Variants in ZDHHC23 observed in about 807,000 individuals in gnomAD.
ZDHHC23 encodes palmitoyltransferase ZDHHC23.
A neutral mutation model predicts 40.2 loss-of-function variants in ZDHHC23; 41 were observed. The observed-to-expected ratio is 1.02, with a 90% confidence interval of 0.79 to 1.32. The LOEUF (loss-of-function observed/expected upper bound fraction) is 1.32, where lower values mean the gene tolerates loss of function less well. ZDHHC23 is among the 40% of genes most tolerant of loss of function. The pLI is 0.00. For missense variants in ZDHHC23, 471 were observed against 541.5 expected (o/e 0.87, Z 1.29); for synonymous variants, 204 against 210.2 (o/e 0.97, Z 0.26).
the ZDHHC23 span, among the ~76,000 whole-genome samples, chr3:113,971,275 G>GT: frequency 6.6e-6 from 1 of 152,126 alleles, no homozygotes; most frequent in African/African-American, 2.4e-5. Context: ...GTGTGAGATG[G>GT]TATCTCATTG....
chr3:113,975,325 G>A, the ZDHHC23 span, among the ~76,000 whole-genome samples: 1 of 152,178 alleles, frequency 6.6e-6, no homozygotes, highest in Non-Finnish European at 1.5e-5. Flanking sequence ...AAGACCAATA[G>A]ATGTCTCTCC....
intron 2 of ZDHHC23, among the ~76,000 whole-genome samples, chr3:113,951,422 C>T (rs1333953920): frequency 6.6e-6 from 1 of 152,208 alleles, no homozygotes; most frequent in Admixed American, 6.5e-5. Context: ...TGGATGCCAC[C>T]AAGATTTACC....
At chr3:113,955,010 G>A (rs138130460) in intron 3 of ZDHHC23, among the ~76,000 whole-genome samples, 90 of 152,320 alleles carry the variant, frequency 5.9e-4, no homozygotes, top group African/African-American at 2.1e-3. Flanking sequence ...AATATGAAGT[G>A]CAATGTTTAA....
chr3:113,958,759 A>C lies in ZDHHC23; in HGVS notation c.*129A>C, dbSNP rs748936345. ...TATAGGGCCATGCTCAGGTTTAGAG[A>C]CTGGAGTGGGAAGAAGTTAATTTTT... On this transcript the variant is annotated 3_prime_UTR_variant, in exon 5 of 5. Transcript: ENST00000638807. 9 of 1,568,788 alleles carry C rather than the reference A, an allele frequency of 5.7e-6. No homozygotes were observed. Among genetic ancestry groups the C allele is most frequent in the Admixed American group, 5.1e-5 (3 of 58,800 alleles).
At chr3:113,948,459 G>C (rs1395525577) in intron 1 of ZDHHC23, 5 of 257,206 alleles carry the variant, frequency 1.9e-5, no homozygotes, top group Non-Finnish European at 2.3e-5. Flanking sequence ...GCCTGCACCC[G>C]CAGGTGAGCG....
Position 113,959,946 on chromosome 3 carries a change from G to A in ZDHHC23, c.*1316G>A, listed in dbSNP as rs942540318. The A allele has an allele frequency of 3.0e-5, 30 of 994,580 alleles. No homozygotes were observed. Among genetic ancestry groups the A allele is most frequent in the Non-Finnish European group, 3.6e-5 (30 of 833,088 alleles). The allele number at this position is 994,580 out of a possible 1,614,324, so 61.6% of individuals were successfully genotyped here. ...AAAGATTAAATATTTATGTACAATG[G>A]GTTGTTCTACTATAGAATTAAGATG... On this transcript the variant is annotated 3_prime_UTR_variant, in exon 5 of 5. Transcript: ENST00000638807.
chr3:113,953,549 T>C, intron 2 of ZDHHC23, 151 bp from the exon 3 acceptor site: 1 of 664,920 alleles, frequency 1.5e-6, no homozygotes, highest in Non-Finnish European at 2.5e-6. Flanking sequence ...GACATGTGAA[T>C]CTGAAAAGCT....
chr3:113,976,347 C>CAAGA, the ZDHHC23 span, among the ~76,000 whole-genome samples: 1 of 151,562 alleles, frequency 6.6e-6, no homozygotes, highest in African/African-American at 2.4e-5. Context: ...ACTGATGTAG[C>CAAGA]AAGAAGAGAA....
rs1478078299 is a variant in ZDHHC23, at chr3:113,960,836, G to A, written c.*2206G>A. ...TTAAGTTCCTTGAGAACCCATGATG[G>A]ACAGTTGACAGAATGCTTAAACCTG... On this transcript the variant is annotated 3_prime_UTR_variant, in exon 5 of 5. Coordinates refer to ENST00000638807, the MANE Select transcript of ZDHHC23 (RefSeq NM_001320466.2). The A allele has an allele frequency of 6.8e-7, 1 of 1,473,854 alleles. No individual in the cohort carries two copies. Among genetic ancestry groups the A allele is most frequent in the Non-Finnish European group, 9.0e-7 (1 of 1,112,650 alleles). The allele number at this position is 1,473,854 out of a possible 1,614,324, so 91.3% of individuals were successfully genotyped here. A position where few individuals can be genotyped will look rare whatever the true frequency, so the allele number is the denominator to read the frequency against.
rs1939562293 is a variant in ZDHHC23 at position 113,959,806 on chromosome 3, A to G, written c.*1176A>G. ...CCCTAAATAACAGTATCTCACTAAG[A>G]GAGAAGAAACAGGGTATATGTGGTT... On this transcript the variant is annotated 3_prime_UTR_variant, in exon 5 of 5. Coordinates refer to ENST00000638807, the MANE Select transcript of ZDHHC23 (RefSeq NM_001320466.2). 1 of 1,053,102 alleles carries G rather than the reference A, an allele frequency of 9.5e-7. No individual in the cohort carries two copies. The highest frequency in any genetic ancestry group is 1.6e-5 in the African/African-American group (1 of 61,476). The allele number at this position is 1,053,102 out of a possible 1,614,324, so 65.2% of individuals were successfully genotyped here.
the ZDHHC23 span, among the ~76,000 whole-genome samples, chr3:113,975,404 T>C: frequency 6.6e-6 from 1 of 152,238 alleles, no homozygotes; most frequent in Non-Finnish European, 1.5e-5. Context: ...GAACTCTGAA[T>C]ATCAATTTTT....
At position 113,960,486 on chromosome 3, in the gene ZDHHC23, G is replaced by A. The variant is rs1312950331; in HGVS notation, c.*1856G>A. 1 of 1,396,098 alleles carries A rather than the reference G, an allele frequency of 7.2e-7. No individual in the cohort carries two copies. The highest frequency in any genetic ancestry group is 1.5e-5 in the African/African-American group (1 of 66,330). The allele number at this position is 1,396,098 out of a possible 1,614,324, so 86.5% of individuals were successfully genotyped here. A position where few individuals can be genotyped will look rare whatever the true frequency, so the allele number is the denominator to read the frequency against. On this transcript the variant is annotated 3_prime_UTR_variant, in exon 5 of 5. Coordinates refer to ENST00000638807, the MANE Select transcript of ZDHHC23 (RefSeq NM_001320466.2). ...ATAATGTCAAGGATAGCCTGTGTGG[G>A]CAGAAATTGGTAGTCGTGCTTTTGA...
rs898685852 is a variant in ZDHHC23 at position 113,960,808 on chromosome 3, G to A, written c.*2178G>A. ...CAGGTTTATTGGCACGAAGATACTT[G>A]TTTTAAGTTCCTTGAGAACCCATGA... On this transcript the variant is annotated 3_prime_UTR_variant, in exon 5 of 5. Transcript: ENST00000638807. 137 of 1,494,770 alleles carry A rather than the reference G, an allele frequency of 9.2e-5. No individual in the cohort carries two copies. The highest frequency in any genetic ancestry group is 3.6e-4 in the Middle Eastern group (2 of 5,582). The allele number at this position is 1,494,770 out of a possible 1,614,324, so 92.6% of individuals were successfully genotyped here. A position where few individuals can be genotyped will look rare whatever the true frequency, so the allele number is the denominator to read the frequency against.
intron 3 of ZDHHC23, among the ~76,000 whole-genome samples, chr3:113,954,988 A>G (rs1206345178): frequency 6.6e-6 from 1 of 152,250 alleles, no homozygotes; most frequent in Non-Finnish European, 1.5e-5. Context: ...GAAGGTACAT[A>G]AGGCTCCGTA....
intron 2 of ZDHHC23, among the ~76,000 whole-genome samples, chr3:113,950,574 G>T (rs1406152416): frequency 6.6e-6 from 1 of 152,160 alleles, no homozygotes; most frequent in Admixed American, 6.5e-5. Flanking sequence ...TGGGAATGAG[G>T]TTTCAACATA....
chr3:113,947,998 C>A (rs1417861412), upstream of ZDHHC23: 1 of 149,410 alleles, frequency 6.7e-6, no homozygotes, highest in Non-Finnish European at 1.5e-5. Context: ...GCCCGGGCCG[C>A]GGCGGGCTGT....
In ZDHHC23 at chr3:113,962,566, G is replaced by C. The variant is rs1251102602; in HGVS notation, c.*3936G>C. The C allele has an allele frequency of 2.0e-5, 3 of 152,204 alleles. No homozygotes were observed. Among genetic ancestry groups the C allele is most frequent in the Non-Finnish European group, 4.4e-5 (3 of 68,032 alleles). The allele number at this position is 152,204 out of a possible 1,614,324, so 9.4% of individuals were successfully genotyped here. A position where few individuals can be genotyped will look rare whatever the true frequency, so the allele number is the denominator to read the frequency against. On this transcript the variant is annotated 3_prime_UTR_variant, in exon 5 of 5. Transcript: ENST00000638807. ...ACTAAAATTCTGTATTTCTTAAGATGGAGCCACTGACGAGATGTCACAGTA... is the reference window on the plus strand; with the variant it reads ...ACTAAAATTCTGTATTTCTTAAGATCGAGCCACTGACGAGATGTCACAGTA...
At chr3:113,963,411 T>A (rs1336092195), downstream of ZDHHC23, 1 of 151,868 alleles carries the variant, frequency 6.6e-6, no homozygotes, top group African/African-American at 2.4e-5. Context: ...GCATGTTGAC[T>A]TAAGGAACTC....
At chr3:113,949,037 C>T in intron 2 of ZDHHC23, 74 bp downstream of exon 2, 1 of 1,561,930 alleles carries the variant, frequency 6.4e-7, no homozygotes, top group Non-Finnish European at 8.7e-7. Context: ...TCAACCTAGC[C>T]ACCCAGAATG....
Sources: gnomAD v4.1 joint callset for allele counts (sites outside exome capture counted in the v4.1 genomes callset) on GRCh38, gnomAD v4.1.1 for gene constraint, MANE v1.5 for transcripts, NCBI Gene and HGNC (gene_info 2026-07-23, HGNC 2026-07-21) for gene names.